Variants in ZCWPW2 observed in about 807,000 individuals in gnomAD.
ZCWPW2 encodes the protein zinc finger CW-type PWWP domain protein 2.
A neutral mutation model predicts 46.6 loss-of-function variants in ZCWPW2; 45 were observed. That is an observed-to-expected ratio of 0.96 (90% CI 0.76 to 1.24). The LOEUF is 1.24. ZCWPW2 is among the 50% of genes most tolerant of loss of function. ZCWPW2 has a pLI of 0.00. For missense variants in ZCWPW2, 429 were observed against 403.9 expected (o/e 1.06, Z -0.53); for synonymous variants, 152 against 137.1 (o/e 1.11, Z -0.76).
intron 1 of ZCWPW2, among the ~76,000 whole-genome samples, chr3:28,349,807 C>G (rs1704467257): frequency 6.6e-6 from 1 of 152,180 alleles, no homozygotes; most frequent in African/African-American, 2.4e-5. Context: ...ACTCACCACC[C>G]CCTTAAAGTA....
intron 5 of ZCWPW2, among the ~76,000 whole-genome samples, chr3:28,481,858 C>G (rs1321504900): frequency 6.6e-6 from 1 of 152,126 alleles, no homozygotes; most frequent in Admixed American, 6.6e-5. Context: ...GACAAGTTCA[C>G]AGAAGATTGA....
At chr3:28,520,780 C>T (rs1700700885) in intron 8 of ZCWPW2, among the ~76,000 whole-genome samples, 1 of 152,168 alleles carries the variant, frequency 6.6e-6, no homozygotes, top group South Asian at 2.1e-4. Flanking sequence ...AGACTATCAC[C>T]TACATTTTTC....
intron 4 of ZCWPW2, among the ~76,000 whole-genome samples, chr3:28,440,871 A>G (rs1202681246): frequency 4.6e-5 from 7 of 152,180 alleles, no homozygotes; most frequent in Non-Finnish European, 1.0e-4. Context: ...TGCCTTTTCC[A>G]TGGTGATAGA....
intron 4 of ZCWPW2, among the ~76,000 whole-genome samples, chr3:28,464,488 G>A (rs1007095140): frequency 6.6e-6 from 1 of 151,990 alleles, no homozygotes; most frequent in Non-Finnish European, 1.5e-5. Flanking sequence ...TGGGAGAGAA[G>A]ACCCTCTAAC....
Position 28,396,007 on chromosome 3 carries a change from T to A in ZCWPW2, c.-14+5390T>A, listed in dbSNP as rs189982119. Reference sequence around the variant, plus strand: ...ACATCATGTTATATACCTTGGTATATACAGTTTTTGTCAATTATACATCAA... The same window carrying A: ...ACATCATGTTATATACCTTGGTATAAACAGTTTTTGTCAATTATACATCAA... On this transcript the variant is annotated intron_variant, in intron 2 of 9. Transcript: ENST00000383768. 1.8e-4 allele frequency among the ~76,000 whole-genome samples: 27 copies of A among 152,310 alleles called. No homozygotes were observed. In the East Asian group the frequency reaches 5.0e-3, roughly 28 times the overall value.
At chr3:28,422,378 C>T (rs1203253023) in intron 3 of ZCWPW2, among the ~76,000 whole-genome samples, 5 of 152,090 alleles carry the variant, frequency 3.3e-5, no homozygotes, top group African/African-American at 7.2e-5. Context: ...TCCTATTTAC[C>T]CTTCTATCCC....
At position 28,454,603 on chromosome 3, in the gene ZCWPW2, C is replaced by G. The variant is rs1323671457; in HGVS notation, c.492+19334C>G. On this transcript the variant is annotated intron_variant, in intron 4 of 9. Coordinates refer to ENST00000383768, the MANE Select transcript of ZCWPW2 (RefSeq NM_001040432.4). ...ATCACCCAGGTATTAAGCCCAGCAT[C>G]CCCTATCTATTCTTCCCTATCCTCT... 2.6e-5 allele frequency among the ~76,000 whole-genome samples: 4 copies of G among 152,182 alleles called. No individual in the cohort carries two copies. The East Asian group carries it at 7.7e-4, about 29-fold the overall frequency.
chr3:28,514,005 T>C, intron 6 of ZCWPW2, 59 bp from the exon 7 acceptor site: 1 of 1,371,848 alleles, frequency 7.3e-7, no homozygotes, highest in Non-Finnish European at 9.8e-7. Context: ...GACCCATTAT[T>C]TTACTGAGCT....
intron 1 of ZCWPW2, among the ~76,000 whole-genome samples, chr3:28,362,192 A>G (rs1424979036): frequency 6.6e-6 from 1 of 152,166 alleles, no homozygotes; most frequent in Non-Finnish European, 1.5e-5. Flanking sequence ...CTTCAGCCTT[A>G]AAAAAGTTTA....
intron 1 of ZCWPW2, among the ~76,000 whole-genome samples, chr3:28,385,004 T>C (rs1288305699): frequency 6.6e-6 from 1 of 152,254 alleles, no homozygotes; most frequent in Non-Finnish European, 1.5e-5. Flanking sequence ...CAGTCTAGAA[T>C]TTATGTTTAT....
chr3:28,364,320 CTT>C (rs71087693), intron 1 of ZCWPW2, among the ~76,000 whole-genome samples: 2 of 148,962 alleles, frequency 1.3e-5, no homozygotes. Flanking sequence ...TAAAAACATT[CTT>C]TTTTTTTTTA....
intron 4 of ZCWPW2, among the ~76,000 whole-genome samples, chr3:28,452,477 G>T (rs960778511): frequency 1.3e-5 from 2 of 152,066 alleles, no homozygotes; most frequent in African/African-American, 4.8e-5. Flanking sequence ...TGTAGTTTTA[G>T]TAGAGACGGG....
intron 2 of ZCWPW2, 105 bp downstream of exon 2, chr3:28,390,722 T>A (rs1695453984): frequency 2.4e-6 from 2 of 839,680 alleles, no homozygotes; most frequent in Non-Finnish European, 2.9e-6. Context: ...TGTAAAAAAA[T>A]TCACCTGTAT....
rs867482595 is a variant in ZCWPW2, at chr3:28,350,620, C to T, written c.-134+1417C>T. 4.6e-4 allele frequency among the ~76,000 whole-genome samples: 68 copies of T among 148,894 alleles called. 2 individuals carry two copies. Among genetic ancestry groups the T allele is most frequent in the African/African-American group, 1.5e-3 (60 of 39,104 alleles). ...CTGCTAGATTATGACAAAATATAAT[C>T]CGTATAGTCATTGGATTTAGCTGCA... On this transcript the variant is annotated intron_variant, in intron 1 of 9. Coordinates refer to ENST00000383768, the MANE Select transcript of ZCWPW2 (RefSeq NM_001040432.4).
chr3:28,357,463 A>G (rs1704780321), intron 1 of ZCWPW2, among the ~76,000 whole-genome samples: 1 of 152,138 alleles, frequency 6.6e-6, no homozygotes, highest in Admixed American at 6.6e-5. Flanking sequence ...AGATAAGATT[A>G]GCATTTGAAT....
intron 4 of ZCWPW2, among the ~76,000 whole-genome samples, chr3:28,438,200 A>G (rs754893672): frequency 3.3e-4 from 50 of 152,208 alleles, no homozygotes; most frequent in Admixed American, 1.4e-3. Flanking sequence ...ACAAAGGTAC[A>G]GACAATGAAA....
intron 5 of ZCWPW2, among the ~76,000 whole-genome samples, chr3:28,482,729 T>A (rs544646325): frequency 1.3e-3 from 205 of 152,302 alleles, no homozygotes; most frequent in Non-Finnish European, 2.2e-3. Flanking sequence ...AGTGTTTTAA[T>A]TTACAATTTC....
rs1429893069 is a variant in ZCWPW2, at chr3:28,435,225, T to A, written c.448T>A (p.Trp150Arg). 6.2e-7 allele frequency: 1 copy of A among 1,613,312 alleles called. No individual in the cohort carries two copies. The highest frequency in any genetic ancestry group is 2.2e-5 in the East Asian group (1 of 44,798). ...CCTGGGCGATCCCCATTCAAGATCA[T>A]GGATAAAGGCAACATTCGTTGGACA... Reference protein sequence around the residue: ...EFLGDPHSRSWIKATFVGHYS... With the variant: ...EFLGDPHSRSRIKATFVGHYS... The change falls in exon 4 of 10, where the codon TGG becomes AGG. Residue 150 changes from tryptophan to arginine, a missense_variant. By Grantham distance (101) the Trp-to-Arg change is moderately radical. Transcript: ENST00000383768.
intron 5 of ZCWPW2, among the ~76,000 whole-genome samples, chr3:28,482,155 T>C (rs1055157722): frequency 1.3e-5 from 2 of 152,214 alleles, no homozygotes; most frequent in Non-Finnish European, 2.9e-5. Context: ...TGTTTGTTTC[T>C]ACCTCCCCCT....
Sources: gnomAD v4.1 joint callset for allele counts (sites outside exome capture counted in the v4.1 genomes callset) on GRCh38, gnomAD v4.1.1 for gene constraint, MANE v1.5 for transcripts, NCBI Gene and HGNC (gene_info 2026-07-23, HGNC 2026-07-21) for gene names.